SPATA16: variants seen among roughly 807,000 people sequenced by gnomAD.
SPATA16 encodes spermatogenesis-associated protein 16.
In SPATA16, 36 loss-of-function variants were observed where a neutral mutation model predicts 63.3. That is an observed-to-expected ratio of 0.57 (90% CI 0.44 to 0.75). The LOEUF (loss-of-function observed/expected upper bound fraction) is 0.75, where lower values mean the gene tolerates loss of function less well. Ranked by LOEUF, SPATA16 falls within the 30% of genes least tolerant of loss-of-function variation. SPATA16 has a pLI of 0.00. For synonymous variants in SPATA16, 203 were observed against 216.7 expected (o/e 0.94, Z 0.56); for missense variants, 646 against 679.3 (o/e 0.95, Z 0.54).
intron 1 of SPATA16, among the ~76,000 whole-genome samples, chr3:173,132,084 G>C (rs1738401400): frequency 2.6e-5 from 4 of 151,986 alleles, no homozygotes; most frequent in Admixed American, 1.3e-4. Flanking sequence ...AAGAGAGTGA[G>C]AAATGATAAA....
chr3:173,029,433 GTTGT>G (rs1034895603), intron 3 of SPATA16, among the ~76,000 whole-genome samples: 10 of 133,722 alleles, frequency 7.5e-5, no homozygotes, highest in South Asian at 2.2e-4. Context: ...TTGTTTTGTT[GTTGT>G]TTGTTTGTTT....
At chr3:173,027,702 T>C (rs1299935189) in intron 3 of SPATA16, among the ~76,000 whole-genome samples, 1 of 151,862 alleles carries the variant, frequency 6.6e-6, no homozygotes, top group Non-Finnish European at 1.5e-5. Flanking sequence ...GAACTCCTCT[T>C]GGTATCTTCC....
In SPATA16 at chr3:172,918,552, G is replaced by C. The variant is rs911856353; in HGVS notation, c.1339-2071C>G. ...ATTAATATTTTACCTATCCAAGATA[G>C]GGGTTTTTGAAAGACAAAGTGAAAA... On this transcript the variant is annotated intron_variant, in intron 8 of 10. Transcript: ENST00000351008. Among the ~76,000 whole-genome samples the C allele has an allele frequency of 3.3e-5, 5 of 152,086 alleles. No individual in the cohort carries two copies. The East Asian group carries it at 5.8e-4, about 18-fold the overall frequency.
intron 4 of SPATA16, among the ~76,000 whole-genome samples, chr3:172,996,732 T>C (rs1480417345): frequency 2.0e-5 from 3 of 152,156 alleles, no homozygotes; most frequent in African/African-American, 7.2e-5. Context: ...CGTACAATGA[T>C]ATATATCCTT....
chr3:173,032,265 A>G (rs556959682), intron 3 of SPATA16, among the ~76,000 whole-genome samples: 8 of 152,264 alleles, frequency 5.3e-5, no homozygotes, highest in African/African-American at 1.9e-4. Flanking sequence ...AGTGAACAAC[A>G]AACACCTATT....
chr3:173,035,585 C>CTAA (rs1735698785), intron 3 of SPATA16, among the ~76,000 whole-genome samples: 1 of 152,016 alleles, frequency 6.6e-6, no homozygotes, highest in Admixed American at 6.6e-5. Flanking sequence ...AAAGAAACTA[C>CTAA]TAATGCTTCA....
intron 10 of SPATA16, among the ~76,000 whole-genome samples, chr3:172,905,367 T>G (rs1054697411): frequency 6.6e-6 from 1 of 152,178 alleles, no homozygotes; most frequent in South Asian, 2.1e-4. Flanking sequence ...AGCCACATAT[T>G]AGCCCAAATG....
intron 2 of SPATA16, among the ~76,000 whole-genome samples, chr3:173,083,430 A>G (rs1305133787): frequency 6.6e-6 from 1 of 152,190 alleles, no homozygotes; most frequent in Non-Finnish European, 1.5e-5. Flanking sequence ...AATTTTGTAC[A>G]ATCTAATTTT....
chr3:173,033,929 T>C lies in SPATA16; in HGVS notation c.759-14354A>G, dbSNP rs190910497. ...TATGTTGGCCAGGCTGATCTTGAAC[T>C]CCTGATCTCAAGTGATCTGTCTGCC... On this transcript the variant is annotated intron_variant, in intron 3 of 10. Transcript: ENST00000351008. Among the ~76,000 whole-genome samples, 276 of 152,264 alleles carry C rather than the reference T, an allele frequency of 1.8e-3. 1 individual carries two copies. Among genetic ancestry groups the C allele is most frequent in the Non-Finnish European group, 3.0e-3 (205 of 68,012 alleles).
At chr3:172,915,559 T>C (rs1292870661) in intron 9 of SPATA16, among the ~76,000 whole-genome samples, 1 of 152,186 alleles carries the variant, frequency 6.6e-6, no homozygotes, top group Non-Finnish European at 1.5e-5. Flanking sequence ...AGGAGCTTCA[T>C]ATAGAGTAAA....
chr3:173,094,539 T>C (rs1023785970), intron 2 of SPATA16, among the ~76,000 whole-genome samples: 2 of 152,176 alleles, frequency 1.3e-5, no homozygotes, highest in African/African-American at 4.8e-5. Context: ...TCAGGGCAGG[T>C]CTAGTCAAAA....
chr3:173,029,348 GC>G (rs1735541934), intron 3 of SPATA16, among the ~76,000 whole-genome samples: 1 of 151,698 alleles, frequency 6.6e-6, no homozygotes, highest in Admixed American at 6.6e-5. Context: ...GAAGGTATGA[GC>G]CTCCAGGGTC....
At chr3:173,028,028 TTCC>T (rs1735504017) in intron 3 of SPATA16, among the ~76,000 whole-genome samples, 1 of 42,818 alleles carries the variant, frequency 2.3e-5, no homozygotes, top group South Asian at 1.1e-3. Flanking sequence ...CCTTCTTTCC[TTCC>T]TTCCTTCCTT....
intron 10 of SPATA16, among the ~76,000 whole-genome samples, chr3:172,900,984 A>T (rs918205152): frequency 1.3e-5 from 2 of 151,942 alleles, no homozygotes; most frequent in Non-Finnish European, 2.9e-5. Flanking sequence ...TTCACTGATT[A>T]TTTCCTCTGT....
chr3:172,994,156 T>C (rs1269856229), intron 4 of SPATA16, among the ~76,000 whole-genome samples: 1 of 152,156 alleles, frequency 6.6e-6, no homozygotes, highest in Non-Finnish European at 1.5e-5. Context: ...TACTTTAGAA[T>C]TAGATTCAAG....
rs577065514 is a variant in SPATA16, at chr3:173,012,025, G to C, written c.848+7461C>G. On this transcript the variant is annotated intron_variant, in intron 4 of 10. Transcript: ENST00000351008. The stretch of plus-strand genomic sequence containing the variant: ...TTTTCTTCAGAAACAGAGTCTTGCT[G>C]TGTTGCCCAGGCTAGTCTCAAACTC... 8.5e-5 allele frequency among the ~76,000 whole-genome samples: 13 copies of C among 152,234 alleles called. No homozygotes were observed. In the South Asian group the frequency reaches 2.7e-3, roughly 32 times the overall value.
intron 1 of SPATA16, among the ~76,000 whole-genome samples, chr3:173,137,619 G>A (rs1286149833): frequency 6.6e-6 from 1 of 152,064 alleles, no homozygotes; most frequent in African/African-American, 2.4e-5. Flanking sequence ...TTTCAATCTG[G>A]TAATGACTCT....
intron 4 of SPATA16, among the ~76,000 whole-genome samples, chr3:172,983,898 G>C (rs1400615945): frequency 1.3e-5 from 2 of 151,986 alleles, no homozygotes; most frequent in Non-Finnish European, 2.9e-5. Context: ...ATTCTTAACA[G>C]GCTGTTTTCC....
chr3:172,982,471 A>G (rs1259810410), intron 4 of SPATA16, among the ~76,000 whole-genome samples: 1 of 152,238 alleles, frequency 6.6e-6, no homozygotes, highest in Non-Finnish European at 1.5e-5. Flanking sequence ...CTTCAGTCAT[A>G]TGTCAGCAGT....
Sources: allele counts gnomAD v4.1 joint callset (sites outside exome capture counted in the v4.1 genomes callset), GRCh38; gene constraint gnomAD v4.1.1; transcripts MANE v1.5; gene names NCBI Gene and HGNC (gene_info 2026-07-23, HGNC 2026-07-21).